NUFIP2: variants seen among roughly 807,000 people sequenced by gnomAD.
NUFIP2 encodes the protein nuclear FMR1 interacting protein 2, also known as FMR1-interacting protein NUFIP2.
NUFIP2 carries 6 observed loss-of-function variants against 56.9 expected under a neutral mutation model. That is an observed-to-expected ratio of 0.11 (90% confidence interval 0.06 to 0.21). The LOEUF is 0.21. Among genes scored for constraint, NUFIP2 ranks in the 10% least tolerant of loss-of-function variants. NUFIP2 has a pLI of 1.00. For missense variants in NUFIP2, 828 were observed against 826.8 expected, an observed-to-expected ratio of 1.00 and a Z score of -0.02; for synonymous variants, 321 against 298.2, an observed-to-expected ratio of 1.08 and a Z score of -0.79.
rs1465450930 is a variant in NUFIP2, at chr17:29,283,319, AATGGAAC to A, written c.2002+2666_2002+2672del. Among the ~76,000 whole-genome samples, 12 of 152,318 alleles carry A rather than the reference AATGGAAC, an allele frequency of 7.9e-5. No individual in the cohort carries two copies. In the South Asian group the frequency reaches 1.5e-3, roughly 18 times the overall value. On this transcript the variant is annotated intron_variant, in intron 2 of 3. Coordinates refer to ENST00000225388, the MANE Select transcript of NUFIP2 (RefSeq NM_020772.3). ...CATAAGAACTATTAACCAGTTACCT[AATGGAAC>A]ATATCCTACACATTTTGTTGTTTTG...
chr17:29,257,645 A>T lies in NUFIP2; in HGVS notation c.*6894T>A, dbSNP rs533016990. 1 of 152,348 alleles carries T rather than the reference A, an allele frequency of 6.6e-6. No homozygotes were observed. The highest frequency in any genetic ancestry group is 2.1e-4 in the South Asian group (1 of 4,830). 9.4% of individuals were successfully genotyped at this position (152,348 alleles called of 1,614,324 possible). A position where few individuals can be genotyped will look rare whatever the true frequency, so the allele number is the denominator to read the frequency against. ...ATTTTTAAAGTTGGAAAGAGCTGAT[A>T]ACTTGGATCATAGCTCACACAGAAT... is the stretch of plus-strand genomic sequence containing the variant. On this transcript the variant is annotated 3_prime_UTR_variant, in exon 4 of 4. Coordinates refer to ENST00000225388, the MANE Select transcript of NUFIP2 (RefSeq NM_020772.3).
At chr17:29,266,309 G>GT (rs2069036270) in intron 3 of NUFIP2, among the ~76,000 whole-genome samples, 1 of 151,932 alleles carries the variant, frequency 6.6e-6, no homozygotes, top group Admixed American at 6.6e-5. Flanking sequence ...CATTTGTTTG[G>GT]TAAGATACAC....
At chr17:29,278,271 G>C (rs940721861) in intron 2 of NUFIP2, among the ~76,000 whole-genome samples, 4 of 150,796 alleles carry the variant, frequency 2.7e-5, no homozygotes, top group Admixed American at 6.6e-5. Flanking sequence ...TTTTGAGACA[G>C]AGTCTCGCTC....
rs2068992279 is a variant in NUFIP2 at position 29,259,815 on chromosome 17, A to G, written c.*4724T>C. 3 of 152,178 alleles carry G rather than the reference A, an allele frequency of 2.0e-5. No homozygotes were observed. Among genetic ancestry groups the G allele is most frequent in the Non-Finnish European group, 4.4e-5 (3 of 68,016 alleles). The allele number at this position is 152,178 out of a possible 1,614,324, so 9.4% of individuals were successfully genotyped here. On this transcript the variant is annotated 3_prime_UTR_variant, in exon 4 of 4. Coordinates refer to ENST00000225388, the MANE Select transcript of NUFIP2 (RefSeq NM_020772.3). ...TATTATGCAGACAACCGAAAATTCT[A>G]TTCGCACTATTGCTGGCATCCTTTA...
chr17:29,291,035 C>CAAAAAAAAAAAAAA (rs60000691), intron 1 of NUFIP2, among the ~76,000 whole-genome samples: 1 of 72,446 alleles, frequency 1.4e-5, no homozygotes, highest in African/African-American at 3.9e-5. Context: ...GTTTTAATAA[C>CAAAAAAAAAAAAAA]AAAAAAAAAA....
At chr17:29,268,248 A>G (rs2153010945) in intron 2 of NUFIP2, among the ~76,000 whole-genome samples, 1 of 152,314 alleles carries the variant, frequency 6.6e-6, no homozygotes, top group South Asian at 2.1e-4. Flanking sequence ...ACCTGAAATC[A>G]AATTGCCAGA....
Position 29,294,061 on chromosome 17 carries a change from G to A in NUFIP2, c.-2C>T. 1 of 1,593,454 alleles carries A rather than the reference G, an allele frequency of 6.3e-7. No homozygotes were observed. Among genetic ancestry groups the A allele is most frequent in the Non-Finnish European group, 8.6e-7 (1 of 1,167,504 alleles). ...TGGCTGGCCGGGCTTCTCCTCCATTGAAAGCGGCTGGGACTCCCTGGCTGA... is the reference window on the plus strand; with the variant it reads ...TGGCTGGCCGGGCTTCTCCTCCATTAAAAGCGGCTGGGACTCCCTGGCTGA... On this transcript the variant is annotated 5_prime_UTR_variant, in exon 1 of 4. Transcript: ENST00000225388.
Position 29,256,173 on chromosome 17 carries a change from G to A in NUFIP2, c.*8366C>T, listed in dbSNP as rs1006737203. 2 of 151,966 alleles carry A rather than the reference G, an allele frequency of 1.3e-5. No homozygotes were observed. Among genetic ancestry groups the A allele is most frequent in the African/African-American group, 4.8e-5 (2 of 41,420 alleles). 9.4% of individuals were successfully genotyped at this position (151,966 alleles called of 1,614,324 possible). Reference sequence around the variant, plus strand: ...AACAAACATTGAAACTTTTTTTTGAGCGGGGGGAACATCCTTTAACATAAC... The same window carrying A: ...AACAAACATTGAAACTTTTTTTTGAACGGGGGGAACATCCTTTAACATAAC... On this transcript the variant is annotated 3_prime_UTR_variant, in exon 4 of 4. Coordinates refer to ENST00000225388, the MANE Select transcript of NUFIP2 (RefSeq NM_020772.3).
intron 2 of NUFIP2, among the ~76,000 whole-genome samples, chr17:29,281,096 A>T (rs1002780939): frequency 6.8e-6 from 1 of 147,118 alleles, no homozygotes; most frequent in African/African-American, 2.5e-5. Context: ...GGAGTTCAAG[A>T]CCAGCCTGGG....
At chr17:29,276,764 C>T (rs1444810880) in intron 2 of NUFIP2, among the ~76,000 whole-genome samples, 2 of 152,162 alleles carry the variant, frequency 1.3e-5, no homozygotes, top group Admixed American at 6.5e-5. Context: ...TAAGTAGATA[C>T]TGATTTGAAC....
rs185864612 is a variant in NUFIP2 at position 29,267,037 on chromosome 17, G to T, written c.2035+461C>A. On this transcript the variant is annotated intron_variant, in intron 3 of 3. Transcript: ENST00000225388. ...TCTTGCCTCAGCCTCCCAAGTAGCT[G>T]GAATTACAGGCGCCTGCCACCACGC... Among the ~76,000 whole-genome samples, 855 of 151,480 alleles carry T rather than the reference G, an allele frequency of 5.6e-3. 6 individuals carry two copies. Among genetic ancestry groups the T allele is most frequent in the African/African-American group, 0.02 (822 of 41,332 alleles).
In NUFIP2 at chr17:29,263,469, T is replaced by C. The variant is rs1225865363; in HGVS notation, c.*1070A>G. On this transcript the variant is annotated 3_prime_UTR_variant, in exon 4 of 4. Coordinates refer to ENST00000225388, the MANE Select transcript of NUFIP2 (RefSeq NM_020772.3). ...ATTATCTTCTCACTGGCTAAAAACA[T>C]GAAAAGTTTTAGTTTTCATGGACTT... 6.6e-6 allele frequency: 1 copy of C among 152,630 alleles called. No homozygotes were observed. The highest frequency in any genetic ancestry group is 2.4e-5 in the African/African-American group (1 of 41,468). 9.5% of individuals were successfully genotyped at this position (152,630 alleles called of 1,614,324 possible).
intron 3 of NUFIP2, among the ~76,000 whole-genome samples, chr17:29,267,152 C>T (rs1460380001): frequency 6.6e-6 from 1 of 152,016 alleles, no homozygotes; most frequent in Non-Finnish European, 1.5e-5. Context: ...GATCCACCCG[C>T]CTCAGCCTCC....
Position 29,286,206 on chromosome 17 carries a change from A to T in NUFIP2, c.1788T>A (p.Ser596Arg). Reference sequence around the variant, plus strand: ...CTGCTTTCTGCAGGTCACCTATATGACTGGGTTCCAAGGATAAGGCTCCAC... The same window carrying T: ...CTGCTTTCTGCAGGTCACCTATATGTCTGGGTTCCAAGGATAAGGCTCCAC... ...SESGALSLEP[S>R]HIGDLQKADT... is the part of the protein sequence containing the mutation. The change falls in exon 2 of 4, where the codon AGT becomes AGA. Residue 596 changes from serine to arginine, a missense_variant. By Grantham distance (110) the Ser-to-Arg change is moderately radical (BLOSUM62 -1). Around this residue, in one of 3 missense-constraint regions of NUFIP2, gnomAD observed 404 missense variants for 380.3 expected, o/e 1.06. Coordinates refer to ENST00000225388, the MANE Select transcript of NUFIP2 (RefSeq NM_020772.3). 1.2e-6 allele frequency: 2 copies of T among 1,614,036 alleles called. No individual in the cohort carries two copies. The highest frequency in any genetic ancestry group is 1.7e-6 in the Non-Finnish European group (2 of 1,179,968).
intron 2 of NUFIP2, among the ~76,000 whole-genome samples, chr17:29,277,823 AC>A (rs1242474007): frequency 6.6e-6 from 1 of 151,890 alleles, no homozygotes; most frequent in Non-Finnish European, 1.5e-5. Context: ...GACCAGCCTG[AC>A]CAACATGGTG....
At position 29,258,155 on chromosome 17, in the gene NUFIP2, T is replaced by C. The variant is rs559765484; in HGVS notation, c.*6384A>G. The C allele has an allele frequency of 3.3e-5, 5 of 152,160 alleles. No homozygotes were observed. Among genetic ancestry groups the C allele is most frequent in the Non-Finnish European group, 5.9e-5 (4 of 68,020 alleles). The allele number at this position is 152,160 out of a possible 1,614,324, so 9.4% of individuals were successfully genotyped here. A position where few individuals can be genotyped will look rare whatever the true frequency, so the allele number is the denominator to read the frequency against. ...TATATTAAATAAGCAAATTAAAATT[T>C]TGGCTTTGCGATATTGGCAACATCA... is the stretch of plus-strand genomic sequence containing the variant. On this transcript the variant is annotated 3_prime_UTR_variant, in exon 4 of 4. Transcript: ENST00000225388.
chr17:29,291,189 A>G (rs1372365851), intron 1 of NUFIP2, among the ~76,000 whole-genome samples: 1 of 152,198 alleles, frequency 6.6e-6, no homozygotes, highest in Non-Finnish European at 1.5e-5. Flanking sequence ...GAATAAATTT[A>G]AGAAATTAAA....
At chr17:29,292,881 C>CTG (rs1555549641) in intron 1 of NUFIP2, among the ~76,000 whole-genome samples, 1 of 81,670 alleles carries the variant, frequency 1.2e-5, no homozygotes. Flanking sequence ...CGGCCGGCGA[C>CTG]GGGGGGGGGG....
At chr17:29,288,093 G>A (rs987387272) in intron 1 of NUFIP2, among the ~76,000 whole-genome samples, 11 of 152,208 alleles carry the variant, frequency 7.2e-5, no homozygotes, top group Non-Finnish European at 1.3e-4. Flanking sequence ...GCCCAGGCTG[G>A]AGTGCAGTGG....
Sources: allele counts gnomAD v4.1 joint callset (sites outside exome capture counted in the v4.1 genomes callset), GRCh38; gene constraint gnomAD v4.1.1; regional missense constraint gnomAD v4.1.1; transcripts MANE v1.5; gene names NCBI Gene and HGNC (gene_info 2026-07-23, HGNC 2026-07-21).